The following TBC1D8 variants were observed in gnomAD, a reference collection of about 807,000 sequenced individuals.
TBC1D8 encodes BUB2-like protein 1.
A neutral mutation model predicts 118.8 loss-of-function variants in TBC1D8; 65 were observed. The observed-to-expected ratio is 0.55, with a 90% CI of 0.45 to 0.67. The LOEUF (loss-of-function observed/expected upper bound fraction) is 0.67. Among genes scored for constraint, TBC1D8 ranks in the 30% least tolerant of loss-of-function variants. The pLI is 0.00. For synonymous variants in TBC1D8, 566 were observed against 595.8 expected, an observed-to-expected ratio of 0.95 and a Z score of 0.73; for missense variants, 1,376 against 1,471.2, an observed-to-expected ratio of 0.94 and a Z score of 1.06.
intron 1 of TBC1D8, among the ~76,000 whole-genome samples, chr2:101,121,194 T>C (rs898513976): frequency 2.0e-5 from 3 of 152,366 alleles, no homozygotes; most frequent in Non-Finnish European, 4.4e-5. Context: ...CAAAGGACTT[T>C]GTTGACAAAA....
intron 17 of TBC1D8, among the ~76,000 whole-genome samples, chr2:101,012,535 GTAGT>G (rs1490534223): frequency 6.6e-6 from 1 of 152,066 alleles, no homozygotes; most frequent in Admixed American, 6.6e-5. Flanking sequence ...GGATACACTG[GTAGT>G]GAGAGCTAAA....
intron 2 of TBC1D8, 37 bp downstream of exon 2, chr2:101,090,172 T>C: frequency 6.3e-7 from 1 of 1,589,512 alleles, no homozygotes; most frequent in East Asian, 2.3e-5. Flanking sequence ...TGCTTACACC[T>C]TAAGGTTTGG....
intron 1 of TBC1D8, among the ~76,000 whole-genome samples, chr2:101,140,276 TA>T: frequency 6.6e-6 from 1 of 152,302 alleles, no homozygotes; most frequent in Admixed American, 6.5e-5. Context: ...CCAGAATAGA[TA>T]TCTTTAATTT....
chr2:101,070,347 C>T (rs187505108), intron 2 of TBC1D8, among the ~76,000 whole-genome samples: 1 of 151,102 alleles, frequency 6.6e-6, no homozygotes, highest in East Asian at 2.0e-4. Flanking sequence ...ATGTTAAATA[C>T]TATTAAATAT....
At chr2:101,016,718 T>TAA (rs1304027103) in intron 17 of TBC1D8, among the ~76,000 whole-genome samples, 3 of 152,168 alleles carry the variant, frequency 2.0e-5, no homozygotes, top group Admixed American at 6.5e-5. Flanking sequence ...ATGTGACACA[T>TAA]ATACACCATG....
chr2:101,040,460 T>A, intron 5 of TBC1D8, 75 bp from the exon 6 acceptor site: 2 of 1,398,188 alleles, frequency 1.4e-6, no homozygotes, highest in Admixed American at 2.2e-5. Flanking sequence ...AGGAAAATAC[T>A]TTTCCTTTTT....
At chr2:101,058,204 G>A (rs1456311990) in intron 3 of TBC1D8, among the ~76,000 whole-genome samples, 1 of 152,132 alleles carries the variant, frequency 6.6e-6, no homozygotes, top group Non-Finnish European at 1.5e-5. Context: ...CCACAGGCCA[G>A]GTATAACTCC....
intron 1 of TBC1D8, among the ~76,000 whole-genome samples, chr2:101,100,714 G>C (rs1051697876): frequency 1.3e-5 from 2 of 152,046 alleles, no homozygotes; most frequent in African/African-American, 4.8e-5. Context: ...CAGCAGAACA[G>C]AGACCTCAGA....
chr2:101,103,947 T>G (rs1235903931), intron 1 of TBC1D8, among the ~76,000 whole-genome samples: 1 of 152,104 alleles, frequency 6.6e-6, no homozygotes, highest in Non-Finnish European at 1.5e-5. Flanking sequence ...TGTAGAAATA[T>G]CTCAGAGAAT....
chr2:101,102,894 A>G (rs572744937), intron 1 of TBC1D8, among the ~76,000 whole-genome samples: 1 of 152,194 alleles, frequency 6.6e-6, no homozygotes, highest in South Asian at 2.1e-4. Flanking sequence ...AAAAATACCA[A>G]GCTGAGATAC....
intron 17 of TBC1D8, among the ~76,000 whole-genome samples, chr2:101,015,368 T>A (rs1402505085): frequency 6.6e-6 from 1 of 152,210 alleles, no homozygotes; most frequent in Non-Finnish European, 1.5e-5. Flanking sequence ...TACTGCACAC[T>A]GCCATAGACT....
intron 19 of TBC1D8, 74 bp from the exon 20 acceptor site, chr2:101,008,347 T>A: frequency 8.4e-7 from 1 of 1,191,918 alleles, no homozygotes. Flanking sequence ...AACATACCTG[T>A]GAGCTTTGAG....
chr2:101,095,205 C>G (rs1045165026), intron 1 of TBC1D8, among the ~76,000 whole-genome samples: 15 of 151,908 alleles, frequency 9.9e-5, no homozygotes, highest in African/African-American at 3.6e-4. Context: ...TATCCTCAGG[C>G]CGTTCTCCAT....
At position 101,059,151 on chromosome 2, in the gene TBC1D8, C is replaced by A. The variant is rs532850784; in HGVS notation, c.402+270G>T. On this transcript the variant is annotated intron_variant, in intron 3 of 19. Coordinates refer to ENST00000409318, the MANE Select transcript of TBC1D8 (RefSeq NM_001330348.2). ...CTCGACCTCCTGACCTCGTGATCTG[C>A]CTGCCTCGGCCTCCCAAAGTGCTGG... Among the ~76,000 whole-genome samples the A allele has an allele frequency of 3.3e-5, 5 of 151,536 alleles. No homozygotes were observed. In the South Asian group the frequency reaches 1.0e-3, roughly 32 times the overall value.
intron 2 of TBC1D8, among the ~76,000 whole-genome samples, chr2:101,087,363 G>T (rs1361771094): frequency 6.6e-6 from 1 of 152,040 alleles, no homozygotes; most frequent in South Asian, 2.1e-4. Context: ...GGGGCCGGAT[G>T]CAGTGGCTCA....
At chr2:101,077,034 A>C (rs536274671) in intron 2 of TBC1D8, among the ~76,000 whole-genome samples, 12 of 152,046 alleles carry the variant, frequency 7.9e-5, no homozygotes, top group Non-Finnish European at 1.8e-4. Flanking sequence ...TTTTATTTTT[A>C]ATTTTTTGAG....
At chr2:101,027,287 C>A in intron 15 of TBC1D8, 96 bp downstream of exon 15, 1 of 1,161,234 alleles carries the variant, frequency 8.6e-7, no homozygotes, top group Non-Finnish European at 1.3e-6. Context: ...CCACGGAGCC[C>A]TGCAGGCAGC....
chr2:101,014,213 G>A (rs1165323759), intron 17 of TBC1D8, among the ~76,000 whole-genome samples: 1 of 151,306 alleles, frequency 6.6e-6, no homozygotes, highest in Non-Finnish European at 1.5e-5. Context: ...TTTTTTTCAA[G>A]GAAGTTTATA....
chr2:101,145,219 A>G (rs1679270847), intron 1 of TBC1D8, among the ~76,000 whole-genome samples: 1 of 152,198 alleles, frequency 6.6e-6, no homozygotes, highest in African/African-American at 2.4e-5. Flanking sequence ...CATTGCCCTT[A>G]TTATGCTCTC....
Sources: allele counts gnomAD v4.1 joint callset (sites outside exome capture counted in the v4.1 genomes callset), GRCh38; gene constraint gnomAD v4.1.1; transcripts MANE v1.5; gene names NCBI Gene and HGNC (gene_info 2026-07-23, HGNC 2026-07-21).